SLC16A7: variants seen among roughly 807,000 people sequenced by gnomAD.
The protein encoded by SLC16A7 is solute carrier family 16 member 7.
Under a neutral mutation model 34.9 loss-of-function variants are expected in SLC16A7, and 33 were observed. That is an observed-to-expected ratio of 0.94 (90% CI 0.72 to 1.26). SLC16A7 has a LOEUF of 1.26. Ranked by LOEUF, SLC16A7 falls within the 50% of genes most tolerant of loss-of-function variation. The probability of loss-of-function intolerance (pLI) is 0.00; values close to 1 mark genes in which losing one functional copy is unlikely to be tolerated. For missense variants in SLC16A7, 573 were observed against 578.1 expected (o/e 0.99, Z 0.09); for synonymous variants, 201 against 206.6 (o/e 0.97, Z 0.23).
intron 3 of SLC16A7, among the ~76,000 whole-genome samples, chr12:59,742,278 C>A (rs1878433313): frequency 6.6e-6 from 1 of 152,186 alleles, no homozygotes; most frequent in Admixed American, 6.5e-5. Context: ...TTCTCCCTGG[C>A]ACTTGCATTC....
chr12:59,773,390 C>T (rs1164258000), intron 4 of SLC16A7, among the ~76,000 whole-genome samples: 1 of 151,966 alleles, frequency 6.6e-6, no homozygotes, highest in African/African-American at 2.4e-5. Context: ...TGTACACAGA[C>T]CTGTGTATTT....
At chr12:59,701,587 AG>A (rs1219617678) in intron 2 of SLC16A7, among the ~76,000 whole-genome samples, 2 of 151,650 alleles carry the variant, frequency 1.3e-5, no homozygotes, top group Non-Finnish European at 3.0e-5. Context: ...ACATTTCTTA[AG>A]GGGGGCATAT....
At position 59,671,052 on chromosome 12, in the gene SLC16A7, G is replaced by C. The variant is rs146896454; in HGVS notation, c.-31+15802G>C. Among the ~76,000 whole-genome samples the C allele has an allele frequency of 9.2e-5, 14 of 152,228 alleles. No homozygotes were observed. The East Asian group carries it at 2.5e-3, about 27-fold the overall frequency. On this transcript the variant is annotated intron_variant, in intron 2 of 5. Coordinates refer to ENST00000547379, the MANE Select transcript of SLC16A7 (RefSeq NM_001270623.2). Reference sequence around the variant, plus strand: ...TCAGCCTCTTGTGCAATTCATGAAGGTCCAAGCCATCAGACAAGAGGGTCC... The same window carrying C: ...TCAGCCTCTTGTGCAATTCATGAAGCTCCAAGCCATCAGACAAGAGGGTCC...
intron 3 of SLC16A7, among the ~76,000 whole-genome samples, chr12:59,734,760 A>T (rs1019364637): frequency 6.6e-5 from 10 of 152,212 alleles, no homozygotes; most frequent in African/African-American, 2.4e-4. Flanking sequence ...GATGATATAC[A>T]TCATTGTCAT....
intron 2 of SLC16A7, among the ~76,000 whole-genome samples, chr12:59,661,383 T>A (rs898784139): frequency 1.3e-5 from 2 of 152,058 alleles, no homozygotes; most frequent in African/African-American, 4.8e-5. Flanking sequence ...AGAGGAGACA[T>A]TTTTGCTGAC....
rs144833428 is a variant in SLC16A7 at position 59,710,636 on chromosome 12, C to A, written c.217+5618C>A. Among the ~76,000 whole-genome samples, 213 of 152,214 alleles carry A rather than the reference C, an allele frequency of 1.4e-3. 1 individual carries two copies. Among genetic ancestry groups the A allele is most frequent in the Middle Eastern group, 6.8e-3 (2 of 294 alleles). On this transcript the variant is annotated intron_variant, in intron 3 of 5. Transcript: ENST00000547379. ...TGATATATGTGCCTCAGACAGTGAA[C>A]CTTTCACTTACTGATGTATAAAAAG... is the stretch of plus-strand genomic sequence containing the variant.
At chr12:59,635,372 T>TG (rs1157384734) in intron 1 of SLC16A7, among the ~76,000 whole-genome samples, 1 of 152,108 alleles carries the variant, frequency 6.6e-6, no homozygotes, top group African/African-American at 2.4e-5. Context: ...ATTGGAAATC[T>TG]GGCTGAAACA....
chr12:59,597,226 C>T (rs1211705933), intron 1 of SLC16A7: 5 of 29,158 alleles, frequency 1.7e-4, no homozygotes, highest in Non-Finnish European at 3.9e-4. Flanking sequence ...AAATTTTACA[C>T]ACACACACAC....
intron 3 of SLC16A7, among the ~76,000 whole-genome samples, chr12:59,767,787 C>T (rs1312121974): frequency 6.6e-6 from 1 of 152,006 alleles, no homozygotes; most frequent in Non-Finnish European, 1.5e-5. Flanking sequence ...ATTCATTCTG[C>T]AGCTCATGGA....
At chr12:59,603,649 T>G (rs182783726) in intron 1 of SLC16A7, among the ~76,000 whole-genome samples, 1 of 152,280 alleles carries the variant, frequency 6.6e-6, no homozygotes, top group East Asian at 1.9e-4. Context: ...TAGAATGTCT[T>G]GACATTCTAT....
chr12:59,721,628 G>A (rs901173448), intron 3 of SLC16A7, among the ~76,000 whole-genome samples: 1 of 151,758 alleles, frequency 6.6e-6, no homozygotes, highest in Non-Finnish European at 1.5e-5. Flanking sequence ...TGAAAGTGTT[G>A]CTCCAGTTTC....
At chr12:59,726,663 G>A (rs1876279052) in intron 3 of SLC16A7, among the ~76,000 whole-genome samples, 1 of 152,088 alleles carries the variant, frequency 6.6e-6, no homozygotes, top group Non-Finnish European at 1.5e-5. Context: ...CAGAACCAAG[G>A]ACCAGGAGAT....
Position 59,783,653 on chromosome 12 carries a change from C to CTTTTTTTTTTTT in SLC16A7, c.*3978_*3989dup, listed in dbSNP as rs749009293. On this transcript the variant is annotated 3_prime_UTR_variant, in exon 6 of 6. Transcript: ENST00000547379. ...GAATATGTAATTTCTTTCTTTCTTT[C>CTTTTTTTTTTTT]TTTTTTTTTTTTTTTGAGACTGAGT... The CTTTTTTTTTTTT allele has an allele frequency of 7.1e-6, 1 of 140,578 alleles. No individual in the cohort carries two copies. 8.7% of individuals were successfully genotyped at this position (140,578 alleles called of 1,614,324 possible).
At chr12:59,766,592 G>T (rs1473960312) in intron 3 of SLC16A7, among the ~76,000 whole-genome samples, 3 of 152,190 alleles carry the variant, frequency 2.0e-5, no homozygotes, top group Non-Finnish European at 4.4e-5. Flanking sequence ...AGATAATCAT[G>T]TGGTTTTTGT....
At chr12:59,762,342 A>C (rs1238563637) in intron 3 of SLC16A7, among the ~76,000 whole-genome samples, 1 of 152,116 alleles carries the variant, frequency 6.6e-6, no homozygotes, top group Non-Finnish European at 1.5e-5. Context: ...TCGAAATGGA[A>C]TGTGTTACGA....
intron 3 of SLC16A7, among the ~76,000 whole-genome samples, chr12:59,749,089 T>C (rs184871433): frequency 2.6e-5 from 4 of 152,180 alleles, no homozygotes; most frequent in Admixed American, 2.6e-4. Flanking sequence ...AAAAGTACAC[T>C]AGTTTGGGGA....
intron 3 of SLC16A7, among the ~76,000 whole-genome samples, chr12:59,734,370 C>A (rs1424890779): frequency 1.3e-5 from 2 of 152,232 alleles, no homozygotes; most frequent in Non-Finnish European, 2.9e-5. Flanking sequence ...TCAACTTTAA[C>A]CTTAAATCTG....
chr12:59,706,102 G>T (rs989643471), intron 3 of SLC16A7, among the ~76,000 whole-genome samples: 1 of 152,102 alleles, frequency 6.6e-6, no homozygotes, highest in Non-Finnish European at 1.5e-5. Flanking sequence ...CTTGTTAGTA[G>T]TAAACAGAGA....
chr12:59,720,079 G>A lies in SLC16A7; in HGVS notation c.217+15061G>A, dbSNP rs979701033. The A allele has an allele frequency of 1.1e-5, 8 of 699,478 alleles. No homozygotes were observed. In the African/African-American group the frequency reaches 1.4e-4, roughly 12 times the overall value. 43.3% of individuals were successfully genotyped at this position (699,478 alleles called of 1,614,324 possible). On this transcript the variant is annotated intron_variant, in intron 3 of 5. Coordinates refer to ENST00000547379, the MANE Select transcript of SLC16A7 (RefSeq NM_001270623.2). ...ATACCTTTCTTTTCTAATTCTTCAG[G>A]TTGGTATCATATGCAATAGCTGTAT...
Sources: allele counts gnomAD v4.1 joint callset (sites outside exome capture counted in the v4.1 genomes callset), GRCh38; gene constraint gnomAD v4.1.1; transcripts MANE v1.5; gene names NCBI Gene and HGNC (gene_info 2026-07-23, HGNC 2026-07-21).